Variants in PCDH7 observed in about 807,000 individuals in gnomAD.
The protein encoded by PCDH7 is protocadherin-7.
PCDH7 carries 17 observed loss-of-function variants against 58.9 expected under a neutral mutation model. The observed-to-expected ratio is 0.29, with a 90% CI of 0.20 to 0.43. The LOEUF is 0.43. PCDH7 is among the 20% of genes least tolerant of loss of function. The pLI, the probability that PCDH7 is intolerant of heterozygous loss-of-function variation, is 1.00. For missense variants in PCDH7, 1,274 were observed against 1,441.0 expected (o/e 0.88, Z 1.88); for synonymous variants, 664 against 616.4 (o/e 1.08, Z -1.14).
At chr4:30,946,690 T>TTGTGTGTGTGTGTGTGTGTGTGTG (rs112524366) in intron 2 of PCDH7, among the ~76,000 whole-genome samples, 132 of 137,628 alleles carry the variant, frequency 9.6e-4, no homozygotes, top group African/African-American at 2.9e-3. Context: ...CTTATCTCTT[T>TTGTGTGTGTGTGTGTGTGTGTGTG]TGTGTGTGTG....
chr4:31,043,217 G>A (rs547947911), intron 3 of PCDH7, among the ~76,000 whole-genome samples: 5 of 152,086 alleles, frequency 3.3e-5, no homozygotes, highest in East Asian at 3.9e-4. Flanking sequence ...ATAGCATCTG[G>A]CATAAAATAA....
intron 1 of PCDH7, among the ~76,000 whole-genome samples, chr4:30,887,556 T>C (rs1016710854): frequency 6.6e-5 from 10 of 152,168 alleles, no homozygotes; most frequent in African/African-American, 2.4e-4. Context: ...GAGAAGATAA[T>C]ACTTGATAAA....
At chr4:30,960,657 A>C (rs2109459220) in intron 3 of PCDH7, among the ~76,000 whole-genome samples, 1 of 152,286 alleles carries the variant, frequency 6.6e-6, no homozygotes, top group South Asian at 2.1e-4. Flanking sequence ...AGTTAACCAA[A>C]ATATTATTTA....
chr4:30,850,638 T>G (rs1732610902), intron 1 of PCDH7, among the ~76,000 whole-genome samples: 1 of 152,126 alleles, frequency 6.6e-6, no homozygotes, highest in Non-Finnish European at 1.5e-5. Context: ...TTTAACTAAG[T>G]TGATACATTT....
intron 1 of PCDH7, among the ~76,000 whole-genome samples, chr4:30,894,762 TA>T (rs1739189349): frequency 6.7e-6 from 1 of 150,266 alleles, no homozygotes; most frequent in Non-Finnish European, 1.5e-5. Context: ...ACTCCAGGAG[TA>T]AAAAGATCAG....
At chr4:30,759,030 C>T (rs1012537051) in intron 1 of PCDH7, among the ~76,000 whole-genome samples, 4 of 151,200 alleles carry the variant, frequency 2.6e-5, no homozygotes, top group African/African-American at 9.7e-5. Context: ...CAACCTCCGC[C>T]TCCCAGGTTC....
rs780614496 is a variant in PCDH7, at chr4:30,722,284, C to T, written c.862C>T (p.Arg288Cys). ...AGTGCGCGACGGCGGCGACCCGCCT[C>T]GCTCCTCGCAGGCCATCCTACGGGT... Residue 288 changes from arginine (R) to cysteine (C), a missense_variant, in exon 1 of 2, where the codon CGC (arginine) becomes TGC (cysteine). Physicochemically the swap from Arg to Cys is radical, Grantham distance 180 (BLOSUM62 -3). Coordinates refer to ENST00000361762, the Ensembl canonical transcript of PCDH7. This position sits in a 1 kb window ranked among gnomAD's most constrained non-coding sequence, Gnocchi z 7.6. 5.6e-6 allele frequency: 9 copies of T among 1,603,122 alleles called. No individual in the cohort carries two copies. Among genetic ancestry groups the T allele is most frequent in the South Asian group, 1.1e-5 (1 of 89,864 alleles).
chr4:31,082,349 G>A (rs1468034038), intron 3 of PCDH7, among the ~76,000 whole-genome samples: 1 of 151,944 alleles, frequency 6.6e-6, no homozygotes, highest in African/African-American at 2.4e-5. Context: ...GCATATAAAA[G>A]GTCTGTAGAT....
chr4:30,868,867 C>T (rs1735196912), intron 1 of PCDH7, among the ~76,000 whole-genome samples: 1 of 152,092 alleles, frequency 6.6e-6, no homozygotes, highest in African/African-American at 2.4e-5. Context: ...TACAGGGTGA[C>T]TTCCATGCAA....
At chr4:30,771,043 TA>T (rs1312056573) in intron 1 of PCDH7, among the ~76,000 whole-genome samples, 1 of 152,184 alleles carries the variant, frequency 6.6e-6, no homozygotes, top group East Asian at 1.9e-4. Flanking sequence ...GGTCACACCC[TA>T]AAACTTATTT....
At chr4:30,828,554 G>A (rs763269235) in intron 1 of PCDH7, among the ~76,000 whole-genome samples, 8 of 151,520 alleles carry the variant, frequency 5.3e-5, no homozygotes, top group Non-Finnish European at 1.2e-4. Context: ...AATCTAATTA[G>A]AGTGATACCA....
intron 3 of PCDH7, among the ~76,000 whole-genome samples, chr4:30,973,632 G>A (rs187728734): frequency 6.6e-6 from 1 of 152,214 alleles, no homozygotes; most frequent in East Asian, 1.9e-4. Flanking sequence ...CTGGAATGAG[G>A]TAAATACAGA....
chr4:30,734,526 G>A (rs1000311781), downstream of PCDH7, among the ~76,000 whole-genome samples: 1 of 152,068 alleles, frequency 6.6e-6, no homozygotes, highest in African/African-American at 2.4e-5. Flanking sequence ...GTGCCACTGC[G>A]CCTGGCCATA....
At chr4:31,080,322 G>A (rs1338447248) in intron 3 of PCDH7, among the ~76,000 whole-genome samples, 1 of 151,642 alleles carries the variant, frequency 6.6e-6, no homozygotes, top group African/African-American at 2.4e-5. Context: ...GATCAACCTT[G>A]ATTAATCAAA....
At chr4:31,057,715 A>G (rs1757365534) in intron 3 of PCDH7, among the ~76,000 whole-genome samples, 1 of 152,132 alleles carries the variant, frequency 6.6e-6, no homozygotes, top group Non-Finnish European at 1.5e-5. Flanking sequence ...ATTGCTCATT[A>G]CTATACATCT....
chr4:30,997,922 G>A (rs568196360), intron 3 of PCDH7, among the ~76,000 whole-genome samples: 1 of 151,802 alleles, frequency 6.6e-6, no homozygotes, highest in African/African-American at 2.4e-5. Context: ...TGTGTGTGTG[G>A]AGGCTTCAGC....
intron 3 of PCDH7, among the ~76,000 whole-genome samples, chr4:31,025,576 G>A (rs1410653436): frequency 6.6e-6 from 1 of 152,184 alleles, no homozygotes; most frequent in Non-Finnish European, 1.5e-5. Flanking sequence ...ATCATAGGTA[G>A]TTAACAGATG....
In PCDH7 at chr4:31,035,652, C is replaced by T. The variant is rs143646093; in HGVS notation, c.*7+85437C>T. On this transcript the variant is annotated intron_variant, in intron 3 of 3. Transcript: ENST00000509759. ...AGGTTGCATGCAAATTACTTTTAGGCGAGCATGACATTAGAATATAATTCC... is the reference window on the plus strand; with the variant it reads ...AGGTTGCATGCAAATTACTTTTAGGTGAGCATGACATTAGAATATAATTCC... 3.5e-4 allele frequency among the ~76,000 whole-genome samples: 54 copies of T among 152,242 alleles called. 2 individuals carry two copies. Among genetic ancestry groups the T allele is most frequent in the African/African-American group, 9.9e-4 (41 of 41,526 alleles).
intron 1 of PCDH7, among the ~76,000 whole-genome samples, chr4:30,848,422 A>T (rs1000112286): frequency 2.0e-5 from 3 of 152,096 alleles, no homozygotes; most frequent in Non-Finnish European, 4.4e-5. Context: ...TGGCATACTA[A>T]ATGGTGATTT....
Sources: allele counts gnomAD v4.1 joint callset (sites outside exome capture counted in the v4.1 genomes callset), GRCh38; gene constraint gnomAD v4.1.1; non-coding constraint Gnocchi (gnomAD v3.1); transcripts MANE v1.5; gene names NCBI Gene and HGNC (gene_info 2026-07-23, HGNC 2026-07-21).